Variants in USP40 observed in about 807,000 individuals in gnomAD.
The protein encoded by USP40 is ubiquitin specific peptidase 40, also known as ubiquitin carboxyl-terminal hydrolase 40.
USP40 carries 143 observed loss-of-function variants against 166.2 expected under a neutral mutation model. The observed-to-expected ratio is 0.86, with a 90% CI of 0.75 to 0.99. The LOEUF (loss-of-function observed/expected upper bound fraction) is 0.99, where lower values mean the gene tolerates loss of function less well. Among genes scored for constraint, USP40 ranks in the 50% least tolerant of loss-of-function variants. The probability of loss-of-function intolerance (pLI) is 0.00; values close to 1 mark genes in which losing one functional copy is unlikely to be tolerated. For synonymous variants in USP40, 498 were observed against 524.0 expected (o/e 0.95, Z 0.68); for missense variants, 1,444 against 1,479.7 (o/e 0.98, Z 0.40).
chr2:233,489,293 TC>T, intron 27 of USP40, 71 bp downstream of exon 27: 1 of 1,375,762 alleles, frequency 7.3e-7, no homozygotes, highest in Non-Finnish European at 1.0e-6. Context: ...GACTGATTCC[TC>T]CTCCATCCCT....
chr2:233,532,326 T>TAGAAA (rs1335595940), intron 11 of USP40, among the ~76,000 whole-genome samples: 1 of 152,254 alleles, frequency 6.6e-6, no homozygotes, highest in Non-Finnish European at 1.5e-5. Context: ...GGTTGCTTTC[T>TAGAAA]GCAACCAATC....
At chr2:233,489,049 C>G (rs189785293) in intron 27 of USP40, among the ~76,000 whole-genome samples, 161 of 152,326 alleles carry the variant, frequency 1.1e-3, no homozygotes, top group African/African-American at 3.8e-3. Flanking sequence ...GGAGGAGGAT[C>G]AGCTGAATCC....
intron 31 of USP40, 42 bp downstream of exon 31, chr2:233,481,160 AG>A (rs746200004): frequency 4.6e-6 from 7 of 1,522,598 alleles, no homozygotes; most frequent in Non-Finnish European, 6.3e-6. Flanking sequence ...AGAGTCAGAG[AG>A]GGCTCTGTCA....
At chr2:233,490,840 TA>T (rs2065287710) in intron 26 of USP40, among the ~76,000 whole-genome samples, 1 of 151,860 alleles carries the variant, frequency 6.6e-6, no homozygotes. Flanking sequence ...ACAATGTAAA[TA>T]AAGGGATAAA....
rs779067233 is a variant in USP40 at position 233,523,283 on chromosome 2, T to C, written c.2088A>G (p.Pro696=). 6 of 1,614,030 alleles carry C rather than the reference T, an allele frequency of 3.7e-6. No individual in the cohort carries two copies. The highest frequency in any genetic ancestry group is 4.2e-6 in the Non-Finnish European group (5 of 1,179,880). ...GGATGGCCGTCCAACCCTCCCCACC[T>C]GGACATCCAGCACTGTTGATGAAGA... ...GVIFINSAGC[P]GGEGWTAIPK... Residue 696 remains proline (P), a synonymous_variant, in exon 16 of 32, where the codon CCA becomes CCG. Transcript: ENST00000678225.
At chr2:233,540,851 T>C in intron 9 of USP40, 82 bp from the exon 10 acceptor site, 1 of 865,484 alleles carries the variant, frequency 1.2e-6, no homozygotes, top group South Asian at 1.7e-5. Flanking sequence ...ACCAACAGGA[T>C]TATACCTAAT....
chr2:233,483,595 C>A (rs1030361765), intron 30 of USP40, among the ~76,000 whole-genome samples: 1 of 152,148 alleles, frequency 6.6e-6, no homozygotes, highest in Non-Finnish European at 1.5e-5. Flanking sequence ...AACTGGATTG[C>A]CTGTTGACTA....
chr2:233,523,602 A>C, intron 15 of USP40, 113 bp from the exon 16 acceptor site: 1 of 1,064,424 alleles, frequency 9.4e-7, no homozygotes, highest in Non-Finnish European at 1.3e-6. Context: ...CAAGTAAAAT[A>C]AAATTTTCAC....
In USP40 at chr2:233,498,816, G is replaced by C. The variant is rs145787774; in HGVS notation, c.2651-204C>G. On this transcript the variant is annotated intron_variant, in intron 22 of 31. Coordinates refer to ENST00000678225, the MANE Select transcript of USP40 (RefSeq NM_001365479.2). ...GAGGTCTCATCAAGCTCACTGACAT[G>C]ATCTCACCTGGAAAGTTGCTTCAGT... Among the ~76,000 whole-genome samples the C allele has an allele frequency of 6.6e-5, 10 of 152,294 alleles. No individual in the cohort carries two copies. The East Asian group carries it at 1.7e-3, about 26-fold the overall frequency.
intron 30 of USP40, among the ~76,000 whole-genome samples, chr2:233,482,123 G>A (rs1015119553): frequency 3.9e-5 from 6 of 152,202 alleles, no homozygotes; most frequent in Admixed American, 3.3e-4. Context: ...GCCTCTGCTA[G>A]GAACATGTCG....
Position 233,533,592 on chromosome 2 carries a change from T to C in USP40, c.1358A>G (p.Asn453Ser), listed in dbSNP as rs369969860. 9.7e-5 allele frequency: 156 copies of C among 1,613,780 alleles called. No homozygotes were observed. The highest frequency in any genetic ancestry group is 1.6e-4 in the Middle Eastern group (1 of 6,082). Residue 453 changes from asparagine (N) to serine (S), a missense_variant, in exon 11 of 32, where the codon AAT (asparagine) becomes AGT (serine). Physicochemically the swap from Asn to Ser is conservative, Grantham distance 46. Transcript: ENST00000678225. ...SISCPHWFDI[N>S]DSKVQPIREK... ...CCTGATTGGCTGGACTTTAGAATCA[T>C]TTATATCAAACCAGTGGGGACAGGA...
intron 25 of USP40, 194 bp from the exon 26 acceptor site, chr2:233,491,455 G>A (rs1457021229): frequency 8.4e-6 from 5 of 592,868 alleles, no homozygotes; most frequent in Non-Finnish European, 1.5e-5. Context: ...ACTCCCAAGA[G>A]GTCTGTGACA....
chr2:233,523,182 T>C lies in USP40; in HGVS notation c.2189A>G (p.His730Arg). The C allele has an allele frequency of 2.5e-6, 4 of 1,609,288 alleles. No individual in the cohort carries two copies. Among genetic ancestry groups the C allele is most frequent in the African/African-American group, 1.3e-5 (1 of 74,980 alleles). The change falls in exon 16 of 32, where the codon CAT (histidine) becomes CGT (arginine). Residue 730 changes from histidine (H) to arginine (R), a missense_variant. His to Arg is a conservative substitution (Grantham distance 29). Transcript: ENST00000678225. Reference sequence around the variant, plus strand: ...GTTAGCGAGTTACCTGTTATCATCATGAGAATCCTGAATTAAAATTGAGCT... The same window carrying C: ...GTTAGCGAGTTACCTGTTATCATCACGAGAATCCTGAATTAAAATTGAGCT... ...NGSSILIQDS[H>R]DDNSLLTKEE...
At chr2:233,519,209 G>A (rs2067477417) in intron 18 of USP40, among the ~76,000 whole-genome samples, 1 of 152,132 alleles carries the variant, frequency 6.6e-6, no homozygotes, top group Non-Finnish European at 1.5e-5. Context: ...GATGATTACT[G>A]AATTAAACAC....
intron 17 of USP40, among the ~76,000 whole-genome samples, chr2:233,520,490 G>A (rs2067577080): frequency 6.6e-6 from 1 of 152,090 alleles, no homozygotes; most frequent in South Asian, 2.1e-4. Flanking sequence ...TATTTCCTGA[G>A]ATGGTGTTTA....
At chr2:233,534,973 T>C (rs1168877856) in intron 10 of USP40, among the ~76,000 whole-genome samples, 3 of 152,124 alleles carry the variant, frequency 2.0e-5, no homozygotes, top group African/African-American at 7.2e-5. Flanking sequence ...GAACCCAAAG[T>C]AGGCATAAAG....
chr2:233,518,332 C>A (rs1289189340), intron 18 of USP40, among the ~76,000 whole-genome samples: 1 of 145,524 alleles, frequency 6.9e-6, no homozygotes, highest in Non-Finnish European at 1.5e-5. Context: ...TTTGGGAGGC[C>A]GAGGTGGGCA....
intron 21 of USP40, among the ~76,000 whole-genome samples, chr2:233,505,159 T>G (rs1407013966): frequency 6.6e-6 from 1 of 151,914 alleles, no homozygotes; most frequent in East Asian, 1.9e-4. Context: ...AATAGAAACA[T>G]ATTATACCAA....
chr2:233,540,212 T>C (rs1389560953), intron 10 of USP40, among the ~76,000 whole-genome samples: 1 of 151,244 alleles, frequency 6.6e-6, no homozygotes, highest in African/African-American at 2.4e-5. Context: ...AAATAAAAAT[T>C]ATTAATATCA....
Sources: allele counts gnomAD v4.1 joint callset (sites outside exome capture counted in the v4.1 genomes callset), GRCh38; gene constraint gnomAD v4.1.1; transcripts MANE v1.5; gene names NCBI Gene and HGNC (gene_info 2026-07-23, HGNC 2026-07-21).